The following IMMP2L variants were observed in gnomAD, a reference collection of about 807,000 sequenced individuals.
IMMP2L encodes mitochondrial inner membrane protease subunit 2.
A neutral mutation model predicts 19.3 loss-of-function variants in IMMP2L; 18 were observed. The observed-to-expected ratio is 0.93, with a 90% CI of 0.64 to 1.38. The LOEUF is 1.38. Among genes scored for constraint, IMMP2L ranks in the 40% most tolerant of loss-of-function variants. The pLI, the probability that IMMP2L is intolerant of heterozygous loss-of-function variation, is 0.00. For missense variants in IMMP2L, 233 were observed against 218.2 expected (o/e 1.07, Z -0.43); for synonymous variants, 76 against 73.0 (o/e 1.04, Z -0.21).
Position 110,701,902 on chromosome 7 carries a change from A to G in IMMP2L, c.409-38181T>C, listed in dbSNP as rs147911726. Among the ~76,000 whole-genome samples the G allele has an allele frequency of 2.7e-4, 41 of 152,206 alleles. 1 individual carries two copies. In the East Asian group the frequency reaches 7.0e-3, roughly 26 times the overall value. Reference sequence around the variant, plus strand: ...TTTGATTTCTATATGTGTATAGTCAAATAAATTGTGTTGCTGAATGGTTTC... The same window carrying G: ...TTTGATTTCTATATGTGTATAGTCAGATAAATTGTGTTGCTGAATGGTTTC... On this transcript the variant is annotated intron_variant, in intron 5 of 5. Transcript: ENST00000405709.
At chr7:110,971,119 A>G (rs1820095303) in intron 3 of IMMP2L, among the ~76,000 whole-genome samples, 1 of 152,100 alleles carries the variant, frequency 6.6e-6, no homozygotes, top group Non-Finnish European at 1.5e-5. Flanking sequence ...CTTTAAGTCA[A>G]TGTCCATGCA....
intron 3 of IMMP2L, among the ~76,000 whole-genome samples, chr7:111,341,388 A>G (rs1483907403): frequency 6.6e-6 from 1 of 152,158 alleles, no homozygotes; most frequent in Non-Finnish European, 1.5e-5. Flanking sequence ...GAATGAATAT[A>G]TGAATAAATG....
At chr7:111,275,946 T>C (rs1442588773) in intron 3 of IMMP2L, among the ~76,000 whole-genome samples, 5 of 152,112 alleles carry the variant, frequency 3.3e-5, no homozygotes, top group African/African-American at 4.8e-5. Context: ...TTCAGTGGAG[T>C]CTGCCGGGTT....
chr7:111,450,905 G>A (rs960899246), intron 3 of IMMP2L, among the ~76,000 whole-genome samples: 1 of 151,628 alleles, frequency 6.6e-6, no homozygotes, highest in Non-Finnish European at 1.5e-5. Flanking sequence ...CGAGGGACAT[G>A]AACAGGCACT....
At chr7:110,754,115 A>G (rs749529711) in intron 5 of IMMP2L, among the ~76,000 whole-genome samples, 1 of 151,970 alleles carries the variant, frequency 6.6e-6, no homozygotes, top group Non-Finnish European at 1.5e-5. Flanking sequence ...CAAATAATCT[A>G]TCTATTTTGG....
chr7:110,673,280 T>C (rs1792050406), intron 5 of IMMP2L, among the ~76,000 whole-genome samples: 1 of 152,212 alleles, frequency 6.6e-6, no homozygotes, highest in Non-Finnish European at 1.5e-5. Context: ...ATCCAAAGCA[T>C]CTGGGACTCA....
At chr7:110,724,749 AGT>A (rs1292025629) in intron 5 of IMMP2L, among the ~76,000 whole-genome samples, 2 of 152,132 alleles carry the variant, frequency 1.3e-5, no homozygotes, top group Non-Finnish European at 2.9e-5. Flanking sequence ...TCAGCTCCTC[AGT>A]TTAAAACAAA....
At chr7:110,976,831 A>G (rs936696687) in intron 3 of IMMP2L, among the ~76,000 whole-genome samples, 57 of 152,010 alleles carry the variant, frequency 3.7e-4, no homozygotes, top group African/African-American at 1.3e-3. Flanking sequence ...ACCCAGCCTT[A>G]AAGAAAAGCC....
intron 4 of IMMP2L, among the ~76,000 whole-genome samples, chr7:110,947,309 A>G (rs969291733): frequency 6.6e-6 from 1 of 152,204 alleles, no homozygotes; most frequent in African/African-American, 2.4e-5. Flanking sequence ...TTTTAATAAA[A>G]AATAGGCATT....
At chr7:110,887,007 C>T (rs1308170763) in intron 4 of IMMP2L, among the ~76,000 whole-genome samples, 2 of 151,808 alleles carry the variant, frequency 1.3e-5, no homozygotes, top group African/African-American at 4.8e-5. Context: ...TCCGGTAAGC[C>T]CTAACAAAAT....
At chr7:111,443,543 G>T (rs1158064006) in intron 3 of IMMP2L, among the ~76,000 whole-genome samples, 1 of 152,120 alleles carries the variant, frequency 6.6e-6, no homozygotes, top group South Asian at 2.1e-4. Flanking sequence ...CCTCTGAAGA[G>T]TTCTAAATAT....
intron 4 of IMMP2L, among the ~76,000 whole-genome samples, chr7:110,931,189 G>A (rs1815443318): frequency 6.6e-6 from 1 of 152,122 alleles, no homozygotes. Flanking sequence ...TGTTTTGCAG[G>A]AAAGTTCCAA....
intron 4 of IMMP2L, among the ~76,000 whole-genome samples, chr7:110,947,803 T>G (rs901377785): frequency 6.6e-6 from 1 of 152,110 alleles, no homozygotes; most frequent in Non-Finnish European, 1.5e-5. Context: ...GATGCAGCAA[T>G]TTTCACTGTC....
intron 5 of IMMP2L, among the ~76,000 whole-genome samples, chr7:110,748,694 A>G (rs1174020454): frequency 6.6e-6 from 1 of 152,214 alleles, no homozygotes; most frequent in African/African-American, 2.4e-5. Flanking sequence ...CTGGCTAGCC[A>G]TATGTAGAAA....
intron 4 of IMMP2L, among the ~76,000 whole-genome samples, chr7:110,931,967 C>T (rs934736595): frequency 6.6e-6 from 1 of 152,180 alleles, no homozygotes; most frequent in Non-Finnish European, 1.5e-5. Flanking sequence ...TTCTTCTACT[C>T]CTTTCTTCTA....
At chr7:111,007,023 G>A (rs1318278603) in intron 3 of IMMP2L, among the ~76,000 whole-genome samples, 1 of 151,974 alleles carries the variant, frequency 6.6e-6, no homozygotes. Context: ...TTTTCACTCT[G>A]CTATAAAGAA....
chr7:110,743,650 G>A (rs1562950595), intron 5 of IMMP2L, among the ~76,000 whole-genome samples: 1 of 152,192 alleles, frequency 6.6e-6, no homozygotes, highest in Admixed American at 6.5e-5. Flanking sequence ...AGCTGAAGCA[G>A]GGTGGGGCAT....
At chr7:110,808,455 G>C (rs1459819538) in intron 5 of IMMP2L, among the ~76,000 whole-genome samples, 2 of 152,040 alleles carry the variant, frequency 1.3e-5, no homozygotes, top group African/African-American at 4.8e-5. Flanking sequence ...GTCACTAAAA[G>C]GCTAATTGTG....
At chr7:111,451,712 T>TA (rs1163377685) in intron 3 of IMMP2L, among the ~76,000 whole-genome samples, 2 of 113,274 alleles carry the variant, frequency 1.8e-5, no homozygotes, top group Non-Finnish European at 3.7e-5. Flanking sequence ...TAAAGTATAA[T>TA]TAAAAAAAAA....
Sources: allele counts gnomAD v4.1 joint callset (sites outside exome capture counted in the v4.1 genomes callset), GRCh38; gene constraint gnomAD v4.1.1; transcripts MANE v1.5; gene names NCBI Gene and HGNC (gene_info 2026-07-23, HGNC 2026-07-21).